Variants in SEM1 observed in about 807,000 individuals in gnomAD.
SEM1 encodes 26S proteasome complex subunit SEM1.
In SEM1, 3 loss-of-function variants were observed where a neutral mutation model predicts 12.7. That is an observed-to-expected ratio of 0.24 (90% CI 0.11 to 0.61). The LOEUF is 0.61. SEM1 is among the 20% of genes least tolerant of loss of function. The pLI is 0.88. For missense variants in SEM1, 59 were observed against 81.3 expected (o/e 0.73, Z 1.06); for synonymous variants, 30 against 27.8 (o/e 1.08, Z -0.25).
chr7:96,691,190 CTT>C (rs1181067943), intron 2 of SEM1, among the ~76,000 whole-genome samples: 1 of 152,130 alleles, frequency 6.6e-6, no homozygotes, highest in Admixed American at 6.5e-5. Flanking sequence ...ATCAGAATGA[CTT>C]TGAGTTACCT....
At chr7:96,567,340 T>C (rs1164722016) in intron 2 of SEM1, among the ~76,000 whole-genome samples, 2 of 121,316 alleles carry the variant, frequency 1.6e-5, no homozygotes. Flanking sequence ...ACTACCTTTA[T>C]CCCTTTATAT....
At chr7:96,568,464 T>A (rs1312848246) in intron 2 of SEM1, among the ~76,000 whole-genome samples, 1 of 151,812 alleles carries the variant, frequency 6.6e-6, no homozygotes. Context: ...TATTTAGGAA[T>A]TTCACACTTT....
chr7:96,667,032 TG>T (rs1789189486), intron 2 of SEM1, among the ~76,000 whole-genome samples: 1 of 152,200 alleles, frequency 6.6e-6, no homozygotes, highest in African/African-American at 2.4e-5. Flanking sequence ...TCAACACCAT[TG>T]GTTTTAAAGT....
intron 2 of SEM1, among the ~76,000 whole-genome samples, chr7:96,551,515 C>T (rs780315485): frequency 4.6e-5 from 7 of 151,860 alleles, no homozygotes; most frequent in African/African-American, 7.3e-5. Flanking sequence ...GCCTGGCCAA[C>T]ATGGTGAATG....
chr7:96,706,537 G>A (rs1376960045), intron 1 of SEM1: 1 of 139,896 alleles, frequency 7.1e-6, no homozygotes, highest in African/African-American at 2.7e-5. Flanking sequence ...ACTCCAGCCT[G>A]GGCAACAAGA....
intron 2 of SEM1, among the ~76,000 whole-genome samples, chr7:96,678,479 T>G (rs1323148033): frequency 1.3e-5 from 2 of 152,144 alleles, no homozygotes; most frequent in African/African-American, 4.8e-5. Context: ...TAGGAGAAAT[T>G]GCCAGTAATG....
intron 2 of SEM1, among the ~76,000 whole-genome samples, chr7:96,667,396 A>G (rs1359087601): frequency 1.3e-5 from 2 of 152,176 alleles, no homozygotes; most frequent in Admixed American, 6.5e-5. Flanking sequence ...CAGTTTTTCT[A>G]TCAGTCAAAT....
chr7:96,527,439 C>T (rs567074461), intron 2 of SEM1, among the ~76,000 whole-genome samples: 5 of 152,180 alleles, frequency 3.3e-5, no homozygotes, highest in Non-Finnish European at 4.4e-5. Flanking sequence ...GTGCGGGTAG[C>T]GAGGGCCCAG....
At chr7:96,491,457 C>G (rs1403730435) in intron 1 of SEM1, among the ~76,000 whole-genome samples, 1 of 152,168 alleles carries the variant, frequency 6.6e-6, no homozygotes, top group African/African-American at 2.4e-5. Context: ...CAAACGTCAG[C>G]TTTCTGAGAA....
intron 2 of SEM1, among the ~76,000 whole-genome samples, chr7:96,591,009 C>T (rs1198200223): frequency 6.6e-6 from 1 of 152,044 alleles, no homozygotes; most frequent in Non-Finnish European, 1.5e-5. Flanking sequence ...ATTTAAAAGG[C>T]AGAAGAAACA....
At chr7:96,485,962 C>T (rs1266658258) in intron 2 of SEM1, among the ~76,000 whole-genome samples, 2 of 152,020 alleles carry the variant, frequency 1.3e-5, no homozygotes, top group South Asian at 2.1e-4. Context: ...CATTGTTTAG[C>T]TTACCACAGC....
chr7:96,500,542 A>G (rs1803493690), upstream of SEM1, among the ~76,000 whole-genome samples: 1 of 152,102 alleles, frequency 6.6e-6, no homozygotes, highest in African/African-American at 2.4e-5. Flanking sequence ...CCTCCCAGAA[A>G]ACTGCACATA....
At chr7:96,690,920 G>A (rs1334678167) in intron 2 of SEM1, among the ~76,000 whole-genome samples, 8 of 151,924 alleles carry the variant, frequency 5.3e-5, no homozygotes, top group African/African-American at 1.7e-4. Flanking sequence ...ACAGGCGCCC[G>A]CCACCAGGCC....
At chr7:96,687,342 T>C (rs1199352071), downstream of SEM1, among the ~76,000 whole-genome samples, 2 of 152,146 alleles carry the variant, frequency 1.3e-5, no homozygotes, top group East Asian at 3.8e-4. Flanking sequence ...CACACGTATG[T>C]TTATTGCAGC....
At chr7:96,493,243 C>T (rs1803099354) in intron 1 of SEM1, among the ~76,000 whole-genome samples, 1 of 152,150 alleles carries the variant, frequency 6.6e-6, no homozygotes, top group Non-Finnish European at 1.5e-5. Context: ...CGTGAGCCAC[C>T]ACGCCTGGCC....
intron 2 of SEM1, among the ~76,000 whole-genome samples, chr7:96,632,777 G>GTT (rs1437758372): frequency 7.7e-4 from 76 of 99,048 alleles, no homozygotes; most frequent in African/African-American, 2.5e-3. Flanking sequence ...TTTTTTTGTT[G>GTT]TTTTTTGTTT....
chr7:96,483,663 C>A, exon 4 of SEM1: 2 of 627,332 alleles, frequency 3.2e-6, no homozygotes, highest in Admixed American at 5.2e-5. Context: ...TATGTATTAA[C>A]AATTAAATGC....
intron 2 of SEM1, among the ~76,000 whole-genome samples, chr7:96,552,084 T>C (rs924948601): frequency 7.2e-5 from 11 of 152,178 alleles, no homozygotes; most frequent in Non-Finnish European, 1.5e-4. Flanking sequence ...TGTTCGTCAT[T>C]AGTGGGGAGT....
chr7:96,624,218 T>C lies in SEM1; in HGVS notation c.171-1575A>G, dbSNP rs1318735920. The stretch of plus-strand genomic sequence containing the variant: ...AGAAGATCTAAAATTTACTTTTACG[T>C]GACTCAATAAAAATAAATATGGATG... On this transcript the variant is annotated intron_variant, in intron 2 of 2. Transcript: ENST00000417009. Among the ~76,000 whole-genome samples the C allele has an allele frequency of 2.6e-5, 4 of 152,184 alleles. No individual in the cohort carries two copies. The East Asian group carries it at 7.7e-4, about 29-fold the overall frequency.
Sources: allele counts gnomAD v4.1 joint callset (sites outside exome capture counted in the v4.1 genomes callset), GRCh38; gene constraint gnomAD v4.1.1; transcripts MANE v1.5; gene names NCBI Gene and HGNC (gene_info 2026-07-23, HGNC 2026-07-21).